Variants in LEPR observed in about 807,000 individuals in gnomAD.
LEPR encodes the protein OB receptor.
Under a neutral mutation model 114.7 loss-of-function variants are expected in LEPR, and 56 were observed. The ratio of observed to expected loss-of-function variants is 0.49; its 90% CI spans 0.39 to 0.61. The LOEUF (loss-of-function observed/expected upper bound fraction) is 0.61. Among genes scored for constraint, LEPR ranks in the 20% least tolerant of loss-of-function variants. The pLI, the probability that LEPR is intolerant of heterozygous loss-of-function variation, is 0.00. For synonymous variants in LEPR, 443 were observed against 461.4 expected (o/e 0.96, Z 0.51); for missense variants, 1,202 against 1,352.9 (o/e 0.89, Z 1.75).
chr1:65,601,394 G>A lies in LEPR; in HGVS notation c.997G>A (p.Val333Ile). 1.2e-6 allele frequency: 2 copies of A among 1,612,292 alleles called. No homozygotes were observed. The highest frequency in any genetic ancestry group is 2.2e-5 in the South Asian group (2 of 90,998). The change falls in exon 9 of 20, where the codon GTC becomes ATC. Residue 333 changes from valine to isoleucine, a missense_variant and splice_region_variant. By Grantham distance (29) the Val-to-Ile change is conservative. Coordinates refer to ENST00000349533, the MANE Select transcript of LEPR (RefSeq NM_002303.6). ...TATCCTTTCTTCCCTCATTACAGAT[G>A]TCATATACTTTCCACCTAAAATTCT... ...STPRVFTTQD[V>I]IYFPPKILTS...
At chr1:65,512,363 A>T (rs1332578260) in intron 2 of LEPR, among the ~76,000 whole-genome samples, 1 of 152,174 alleles carries the variant, frequency 6.6e-6, no homozygotes, top group Non-Finnish European at 1.5e-5. Flanking sequence ...ATCAGGTAGC[A>T]TGGGGCAGTA....
At chr1:65,544,963 C>T (rs1474581553) in intron 2 of LEPR, among the ~76,000 whole-genome samples, 1 of 149,922 alleles carries the variant, frequency 6.7e-6, no homozygotes, top group East Asian at 2.0e-4. Context: ...CCACTCCCCC[C>T]ACCCCACAAC....
Position 65,433,820 on chromosome 1 carries a change from A to T in LEPR, c.-21+8442A>T, listed in dbSNP as rs891485744. On this transcript the variant is annotated intron_variant, in intron 2 of 19. Transcript: ENST00000349533. ...TTAACTTTAAAAGTTTAACTTTAAA[A>T]TTTTTTTGTGATGTTGCCTTGCCTG... The T allele has an allele frequency of 1.2e-5, 12 of 982,294 alleles. No homozygotes were observed. The African/African-American group carries it at 1.6e-4, about 13-fold the overall frequency. The allele number at this position is 982,294 out of a possible 1,614,324, so 60.8% of individuals were successfully genotyped here.
chr1:65,613,478 G>T (rs969807853), intron 14 of LEPR, among the ~76,000 whole-genome samples: 1 of 97,284 alleles, frequency 1.0e-5, no homozygotes, highest in African/African-American at 3.4e-5. Flanking sequence ...CAGGGGCCGG[G>T]CGCGGTGGCT....
At chr1:65,600,163 T>G (rs1656348209) in intron 8 of LEPR, among the ~76,000 whole-genome samples, 1 of 152,104 alleles carries the variant, frequency 6.6e-6, no homozygotes. Flanking sequence ...TTTGAGGCAG[T>G]TGAGTAAGGA....
At position 65,504,829 on chromosome 1, in the gene LEPR, A is replaced by G. The variant is rs1277264797; in HGVS notation, c.-20-60717A>G. ...CTCACTTATATAGGATAGAAATAAT[A>G]GGGGAGATTGGGTGTGAAGTATATG... On this transcript the variant is annotated intron_variant, in intron 2 of 19. Transcript: ENST00000349533. Among the ~76,000 whole-genome samples the G allele has an allele frequency of 3.3e-5, 5 of 152,188 alleles. No homozygotes were observed. In the East Asian group the frequency reaches 7.7e-4, roughly 23 times the overall value.
intron 18 of LEPR, 39 bp from the exon 19 acceptor site, chr1:65,622,867 G>A: frequency 1.2e-6 from 2 of 1,606,928 alleles, no homozygotes; most frequent in Non-Finnish European, 1.7e-6. Context: ...CAATATGGAT[G>A]TTTTTCTCTA....
intron 2 of LEPR, among the ~76,000 whole-genome samples, chr1:65,531,719 C>T (rs530760466): frequency 5.3e-5 from 8 of 152,040 alleles, no homozygotes; most frequent in Non-Finnish European, 1.0e-4. Context: ...AAATATAACA[C>T]GTTAATTTAA....
intron 2 of LEPR, among the ~76,000 whole-genome samples, chr1:65,537,689 A>G (rs1325233961): frequency 6.6e-6 from 1 of 152,144 alleles, no homozygotes; most frequent in African/African-American, 2.4e-5. Flanking sequence ...TCCTCTCACC[A>G]TCTCTCCTTG....
chr1:65,481,645 A>AT (rs1647241969), intron 2 of LEPR, among the ~76,000 whole-genome samples: 1 of 152,120 alleles, frequency 6.6e-6, no homozygotes, highest in Non-Finnish European at 1.5e-5. Flanking sequence ...TGTTTAAGAC[A>AT]TAGGTACAAA....
intron 2 of LEPR, among the ~76,000 whole-genome samples, chr1:65,425,892 A>G (rs1198021048): frequency 6.6e-6 from 1 of 152,172 alleles, no homozygotes; most frequent in African/African-American, 2.4e-5. Context: ...AACATTCTAC[A>G]CATTTTTTCA....
intron 2 of LEPR, among the ~76,000 whole-genome samples, chr1:65,456,137 C>G (rs970153680): frequency 1.3e-5 from 2 of 152,124 alleles, no homozygotes; most frequent in Non-Finnish European, 2.9e-5. Context: ...CGCCCAGCTT[C>G]GGCTCGTGCA....
chr1:65,541,244 T>C (rs1651173184), intron 2 of LEPR, among the ~76,000 whole-genome samples: 1 of 152,242 alleles, frequency 6.6e-6, no homozygotes, highest in African/African-American at 2.4e-5. Flanking sequence ...ATTTCTAGCA[T>C]CACATGTGGT....
At chr1:65,544,783 T>TA (rs1651533232) in intron 2 of LEPR, among the ~76,000 whole-genome samples, 1 of 151,496 alleles carries the variant, frequency 6.6e-6, no homozygotes, top group Non-Finnish European at 1.5e-5. Flanking sequence ...ACAACATTGA[T>TA]AAACTTTATT....
chr1:65,493,293 T>C (rs543774099), intron 2 of LEPR, among the ~76,000 whole-genome samples: 1 of 152,242 alleles, frequency 6.6e-6, no homozygotes, highest in South Asian at 2.1e-4. Flanking sequence ...ACACCAGTTC[T>C]GGTTCTTTGG....
At chr1:65,470,331 G>A (rs1647067972) in intron 2 of LEPR, among the ~76,000 whole-genome samples, 1 of 152,164 alleles carries the variant, frequency 6.6e-6, no homozygotes, top group Non-Finnish European at 1.5e-5. Flanking sequence ...AAAATCAGAG[G>A]CCAGGAAATT....
rs541002669 is a variant in LEPR at position 65,491,494 on chromosome 1, C to T, written c.-21+66116C>T. Among the ~76,000 whole-genome samples, 6 of 152,168 alleles carry T rather than the reference C, an allele frequency of 3.9e-5. No individual in the cohort carries two copies. In the East Asian group the frequency reaches 1.2e-3, roughly 29 times the overall value. On this transcript the variant is annotated intron_variant, in intron 2 of 19. Transcript: ENST00000349533. ...AGTGACTATTAAGGTAGCCAAATATCATTCTTTACCTATGCTTTAGTTTAA... is the reference window on the plus strand; with the variant it reads ...AGTGACTATTAAGGTAGCCAAATATTATTCTTTACCTATGCTTTAGTTTAA...
chr1:65,617,112 G>A (rs61781309), intron 15 of LEPR, among the ~76,000 whole-genome samples: 26,616 of 152,074 alleles, frequency 0.18, 2,480 homozygotes, highest in Middle Eastern at 0.24. Flanking sequence ...GCGTCAGTGG[G>A]GTAGGTAGTG....
rs373870727 is a variant in LEPR at position 65,581,170 on chromosome 1, T to C, written c.494+8721T>C. 5.6e-4 allele frequency among the ~76,000 whole-genome samples: 85 copies of C among 152,326 alleles called. 1 individual carries two copies. Among genetic ancestry groups the C allele is most frequent in the Admixed American group, 1.6e-3 (25 of 15,298 alleles). On this transcript the variant is annotated intron_variant, in intron 5 of 19. Transcript: ENST00000349533. ...CTTTGTTCACCCCTTGTCATGGACA[T>C]GCTCGAGACTTTGTCATCACCAATA... is the stretch of plus-strand genomic sequence containing the variant.
Sources: gnomAD v4.1 joint callset for allele counts (sites outside exome capture counted in the v4.1 genomes callset) on GRCh38, gnomAD v4.1.1 for gene constraint, MANE v1.5 for transcripts, NCBI Gene and HGNC (gene_info 2026-07-23, HGNC 2026-07-21) for gene names.